Variants in MAP3K20 observed in about 807,000 individuals in gnomAD.
MAP3K20 encodes the protein HCCS-4.
A neutral mutation model predicts 85.7 loss-of-function variants in MAP3K20; 40 were observed. That is an observed-to-expected ratio of 0.47 (90% CI 0.36 to 0.61). MAP3K20 has a LOEUF of 0.61. MAP3K20 is among the 20% of genes least tolerant of loss of function. MAP3K20 has a pLI of 0.00. For synonymous variants in MAP3K20, 325 were observed against 327.7 expected (o/e 0.99, Z 0.09); for missense variants, 817 against 961.7 (o/e 0.85, Z 1.99).
At position 173,194,024 on chromosome 2, in the gene MAP3K20, GA is replaced by G. The variant is rs370125261; in HGVS notation, c.582+2849del. Among the ~76,000 whole-genome samples the G allele has an allele frequency of 3.7e-3, 557 of 152,270 alleles. 3 individuals are homozygous for G. The highest frequency in any genetic ancestry group is 0.012 in the African/African-American group (503 of 41,560). Reference sequence around the variant, plus strand: ...CCTGTCCACCCCATCATGTGATGTGGAATATCAATTCTGCATTCATGCTAGA... The same window carrying G: ...CCTGTCCACCCCATCATGTGATGTGGATATCAATTCTGCATTCATGCTAGA... On this transcript the variant is annotated intron_variant, in intron 7 of 19. Transcript: ENST00000375213.
At position 173,219,836 on chromosome 2, in the gene MAP3K20, A is replaced by AG. The variant is rs925568494; in HGVS notation, c.987+2592dup. Among the ~76,000 whole-genome samples the AG allele has an allele frequency of 1.3e-4, 20 of 152,246 alleles. No homozygotes were observed. The East Asian group carries it at 2.3e-3, about 18-fold the overall frequency. On this transcript the variant is annotated intron_variant, in intron 11 of 19. Transcript: ENST00000375213. ...GTAAACCCAGCACTTTGGGAGGCTG[A>AG]GGGGGGTGGATCACGAGGTCAGGCG...
At chr2:173,234,840 G>T (rs1047584115) in intron 14 of MAP3K20, among the ~76,000 whole-genome samples, 6 of 152,172 alleles carry the variant, frequency 3.9e-5, no homozygotes. Context: ...TTGACCAGCT[G>T]TTGGGAGTAT....
intron 2 of MAP3K20, among the ~76,000 whole-genome samples, chr2:173,142,134 A>G (rs2106214825): frequency 1.3e-5 from 2 of 152,336 alleles, no homozygotes; most frequent in East Asian, 3.9e-4. Flanking sequence ...CTAAAAGGAA[A>G]GTTGCAGTGT....
At chr2:173,188,593 TGTGTGTGTGA>T (rs1690561191) in intron 5 of MAP3K20, among the ~76,000 whole-genome samples, 1 of 151,356 alleles carries the variant, frequency 6.6e-6, no homozygotes, top group Non-Finnish European at 1.5e-5. Context: ...CTGTGAGGTT[TGTGTGTGTGA>T]GTGTGTGTGT....
At chr2:173,156,705 C>G (rs1361983744) in intron 2 of MAP3K20, among the ~76,000 whole-genome samples, 2 of 152,186 alleles carry the variant, frequency 1.3e-5, no homozygotes, top group East Asian at 3.9e-4. Context: ...CGCTCGCCAG[C>G]TGCTCACCTC....
At chr2:173,235,505 T>C (rs2106334073) in intron 14 of MAP3K20, among the ~76,000 whole-genome samples, 1 of 152,318 alleles carries the variant, frequency 6.6e-6, no homozygotes, top group Non-Finnish European at 1.5e-5. Flanking sequence ...GGTCACATAT[T>C]GTATGAGACA....
intron 2 of MAP3K20, among the ~76,000 whole-genome samples, chr2:173,117,732 A>T (rs1688166103): frequency 6.6e-6 from 1 of 152,256 alleles, no homozygotes; most frequent in Admixed American, 6.5e-5. Context: ...TGAATAAGGC[A>T]AGCATAAAAA....
chr2:173,088,139 G>C (rs972275412), intron 1 of MAP3K20, among the ~76,000 whole-genome samples: 6 of 152,164 alleles, frequency 3.9e-5, no homozygotes, highest in Admixed American at 3.3e-4. Flanking sequence ...AGATTAATGG[G>C]GGGAATGTGT....
intron 12 of MAP3K20, 41 bp from the exon 13 acceptor site, chr2:173,232,151 T>C (rs199719212): frequency 6.8e-6 from 11 of 1,613,432 alleles, no homozygotes; most frequent in Admixed American, 5.0e-5. Context: ...CCACTGACCA[T>C]GTGTGAATCT....
Position 173,232,355 on chromosome 2 carries a change from T to A in MAP3K20, c.1099T>A (p.Leu367Met), listed in dbSNP as rs963480520. The A allele has an allele frequency of 3.7e-6, 6 of 1,614,140 alleles. No homozygotes were observed. The highest frequency in any genetic ancestry group is 5.1e-6 in the Non-Finnish European group (6 of 1,180,058). The change falls in exon 14 of 20, where the codon TTG becomes ATG. Residue 367 changes from leucine to methionine, a missense_variant. By Grantham distance (15) the Leu-to-Met change is conservative (BLOSUM62 2). Transcript: ENST00000375213. Reference protein sequence around the residue: ...SSAEMSVYASLFKENNITGKR... With the variant: ...SSAEMSVYASMFKENNITGKR... ...AGCAGAGATGAGTGTATATGCAAGCTTGTTTAAAGAAAACAACATTACAGG... is the reference window on the plus strand; with the variant it reads ...AGCAGAGATGAGTGTATATGCAAGCATGTTTAAAGAAAACAACATTACAGG...
chr2:173,088,268 C>A (rs1283462913), intron 1 of MAP3K20, among the ~76,000 whole-genome samples: 2 of 152,162 alleles, frequency 1.3e-5, no homozygotes, highest in Admixed American at 1.3e-4. Flanking sequence ...TCCTACATGG[C>A]ACTGCTGGGA....
rs1687385253 is a variant in MAP3K20, at chr2:173,094,056, G to T, written c.159+2866G>T. 2.6e-5 allele frequency among the ~76,000 whole-genome samples: 4 copies of T among 151,694 alleles called. No homozygotes were observed. In the South Asian group the frequency reaches 8.3e-4, roughly 32 times the overall value. ...CTAATGCTAGATGACGAGTTAGTGG[G>T]TGCAGCACACCAGCATGGCACGTGT... On this transcript the variant is annotated intron_variant, in intron 2 of 19. Coordinates refer to ENST00000375213, the MANE Select transcript of MAP3K20 (RefSeq NM_016653.3).
intron 1 of MAP3K20, 130 bp downstream of exon 1, chr2:173,076,132 C>T: frequency 1.6e-6 from 1 of 613,588 alleles, no homozygotes; most frequent in Non-Finnish European, 2.0e-6. Context: ...CCTCGGGAGG[C>T]TCCTCGGGGC....
chr2:173,093,985 G>A (rs1292428473), intron 2 of MAP3K20, among the ~76,000 whole-genome samples: 4 of 119,366 alleles, frequency 3.4e-5, no homozygotes, highest in South Asian at 2.8e-4. Flanking sequence ...TCTGGGGACT[G>A]TTGTGGGGTG....
chr2:173,246,182 TCAC>T (rs1684909316), intron 16 of MAP3K20, among the ~76,000 whole-genome samples: 1 of 152,202 alleles, frequency 6.6e-6, no homozygotes, highest in African/African-American at 2.4e-5. Context: ...GTGAAACTCC[TCAC>T]CAGAGGCTCC....
intron 7 of MAP3K20, among the ~76,000 whole-genome samples, chr2:173,193,720 C>G (rs1690734176): frequency 6.6e-6 from 1 of 152,180 alleles, no homozygotes; most frequent in Admixed American, 6.5e-5. Context: ...TGGAGCTGCA[C>G]ATTTTCAGTG....
At chr2:173,260,143 G>A (rs2106355679) in intron 17 of MAP3K20, among the ~76,000 whole-genome samples, 1 of 152,314 alleles carries the variant, frequency 6.6e-6, no homozygotes, top group East Asian at 1.9e-4. Flanking sequence ...GAGGTGAGCA[G>A]ATCACTTGAG....
chr2:173,194,326 A>G (rs1006393202), intron 7 of MAP3K20, among the ~76,000 whole-genome samples: 2 of 152,202 alleles, frequency 1.3e-5, no homozygotes, highest in African/African-American at 2.4e-5. Flanking sequence ...GCACCAACCT[A>G]ATATTTAATT....
intron 16 of MAP3K20, among the ~76,000 whole-genome samples, chr2:173,258,314 T>C (rs1685205410): frequency 6.6e-6 from 1 of 152,234 alleles, no homozygotes; most frequent in Non-Finnish European, 1.5e-5. Context: ...CCACATTTCT[T>C]TGTGGCAATG....
Sources: allele counts gnomAD v4.1 joint callset (sites outside exome capture counted in the v4.1 genomes callset), GRCh38; gene constraint gnomAD v4.1.1; transcripts MANE v1.5; gene names NCBI Gene and HGNC (gene_info 2026-07-23, HGNC 2026-07-21).